The following REPS2 variants were observed in gnomAD, a reference collection of about 807,000 sequenced individuals.
REPS2 encodes the protein RALBP1 associated Eps domain containing 2, also known as ralBP1-associated Eps domain-containing protein 2.
A neutral mutation model predicts 53.6 loss-of-function variants in REPS2; 23 were observed. The observed-to-expected ratio is 0.43, with a 90% CI of 0.31 to 0.61. The LOEUF is 0.61. Ranked by LOEUF, REPS2 falls within the 20% of genes least tolerant of loss-of-function variation. The pLI, the probability that REPS2 is intolerant of heterozygous loss-of-function variation, is 0.11. For synonymous variants in REPS2, 238 were observed against 218.6 expected (o/e 1.09, Z -0.78); for missense variants, 446 against 534.9 (o/e 0.83, Z 1.64).
chrX:17,074,149 C>T lies in REPS2; in HGVS notation c.1369C>T (p.Pro457Ser), dbSNP rs1444157231. 3.3e-6 allele frequency: 4 copies of T among 1,207,354 alleles called. No homozygotes were observed. The African/African-American group carries it at 5.3e-5, about 16-fold the overall frequency. ...GGATTCCAACAGTCTCAAAGCAAGA[C>T]CAAGATCCAGGTAGTGTTCGTTTAA... ...PKDSNSLKAR[P>S]RSRSYSSTSI... is the part of the protein sequence containing the mutation. The change falls in exon 12 of 18, where the codon CCA becomes TCA. Residue 457 changes from proline (P) to serine (S), a missense_variant. Transcript: ENST00000357277.
intron 14 of REPS2, among the ~76,000 whole-genome samples, chrX:17,121,136 T>C (rs751305297): frequency 2.0e-4 from 22 of 111,812 alleles, no homozygotes; most frequent in African/African-American, 7.1e-4. Flanking sequence ...CCTCCCCAAC[T>C]CTGTTTCGCA....
chrX:17,159,345 T>C, the REPS2 span, among the ~76,000 whole-genome samples: 146 of 111,923 alleles, frequency 1.3e-3, no homozygotes, highest in Middle Eastern at 4.6e-3. Flanking sequence ...ACTCTGGTTC[T>C]AGTCTCTTTC....
intron 10 of REPS2, among the ~76,000 whole-genome samples, chrX:17,068,911 T>G (rs956428446): frequency 2.9e-4 from 33 of 112,320 alleles, no homozygotes; most frequent in African/African-American, 1.0e-3. Context: ...CTTGGCTTTG[T>G]GAGTGTGGGA....
chrX:17,139,538 G>A (rs1295103789), intron 17 of REPS2, among the ~76,000 whole-genome samples: 3 of 110,810 alleles, frequency 2.7e-5, no homozygotes, highest in Non-Finnish European at 5.7e-5. Context: ...TTAGTTTCTC[G>A]GGGCTGCTAT....
the REPS2 span, among the ~76,000 whole-genome samples, chrX:17,176,533 TTC>T: frequency 9.0e-6 from 1 of 111,602 alleles, no homozygotes; most frequent in Non-Finnish European, 1.9e-5. Context: ...CGTAGAGTAG[TTC>T]TGTTTACAAC....
chrX:17,078,862 T>C (rs1602947103), intron 13 of REPS2, among the ~76,000 whole-genome samples: 1 of 112,249 alleles, frequency 8.9e-6, no homozygotes, highest in East Asian at 2.8e-4. Flanking sequence ...ATTCACTGTT[T>C]GATTTTCAGC....
intron 14 of REPS2, among the ~76,000 whole-genome samples, chrX:17,105,965 G>T (rs981289293): frequency 2.7e-5 from 3 of 111,891 alleles, no homozygotes; most frequent in Non-Finnish European, 5.6e-5. Context: ...ATAGGGCTCT[G>T]TGGTACAGAT....
intron 11 of REPS2, among the ~76,000 whole-genome samples, chrX:17,071,866 A>G (rs1424007285): frequency 8.9e-6 from 1 of 112,260 alleles, no homozygotes; most frequent in Non-Finnish European, 1.9e-5. Flanking sequence ...ACGAGAAGCT[A>G]TGATCCACTT....
At chrX:17,021,645 T>A (rs1818642916) in intron 2 of REPS2, among the ~76,000 whole-genome samples, 2 of 112,595 alleles carry the variant, frequency 1.8e-5, no homozygotes, top group African/African-American at 3.2e-5. Flanking sequence ...ATTACTTAGC[T>A]CCTTTATGAC....
At chrX:17,124,985 T>G (rs1418241578) in intron 14 of REPS2, among the ~76,000 whole-genome samples, 1 of 107,570 alleles carries the variant, frequency 9.3e-6, no homozygotes, top group African/African-American at 3.4e-5. Context: ...TGCCTCAGCC[T>G]CCTGAATAGC....
chrX:17,171,843 T>C, the REPS2 span, among the ~76,000 whole-genome samples: 4 of 111,597 alleles, frequency 3.6e-5, no homozygotes, highest in Non-Finnish European at 1.9e-5. Context: ...ATAATTCTTA[T>C]GTTTTTCTTC....
At position 17,011,553 on chromosome X, in the gene REPS2, A is replaced by G. The variant is rs1374569711; in HGVS notation, c.397+5209A>G. ...ATTATGTTTTAAATGCAACAAAGAC[A>G]TAAGATTATAATGGAAACCAATTAT... On this transcript the variant is annotated intron_variant, in intron 2 of 17. Transcript: ENST00000357277. Among the ~76,000 whole-genome samples, 5 of 112,125 alleles carry G rather than the reference A, an allele frequency of 4.5e-5. No individual in the cohort carries two copies. In the East Asian group the frequency reaches 1.4e-3, roughly 31 times the overall value.
chrX:17,102,703 T>G (rs750961775), intron 13 of REPS2, among the ~76,000 whole-genome samples: 1 of 112,878 alleles, frequency 8.9e-6, no homozygotes, highest in Admixed American at 9.4e-5. Flanking sequence ...AAACTCCGTC[T>G]TCTAGCTTGT....
intron 14 of REPS2, among the ~76,000 whole-genome samples, chrX:17,114,316 C>G (rs763469482): frequency 2.7e-5 from 3 of 111,976 alleles, no homozygotes; most frequent in Non-Finnish European, 5.6e-5. Flanking sequence ...TATAATTTAC[C>G]TATCTTGTCT....
intron 17 of REPS2, among the ~76,000 whole-genome samples, chrX:17,142,991 T>G (rs2063466568): frequency 8.9e-6 from 1 of 112,568 alleles, no homozygotes; most frequent in African/African-American, 3.2e-5. Context: ...GGAATAGTAC[T>G]CAACAGAGAA....
At chrX:17,031,973 AG>A (rs1291240308) in intron 5 of REPS2, among the ~76,000 whole-genome samples, 2 of 112,104 alleles carry the variant, frequency 1.8e-5, no homozygotes, top group Admixed American at 9.5e-5. Context: ...AGGAAGTGGC[AG>A]GGCTGGAGTT....
intron 1 of REPS2, among the ~76,000 whole-genome samples, chrX:16,956,212 T>A (rs1473339037): frequency 2.9e-5 from 3 of 103,584 alleles, no homozygotes; most frequent in Non-Finnish European, 6.0e-5. Context: ...TTTTTTTTTT[T>A]ACTAACTGCC....
the REPS2 span, among the ~76,000 whole-genome samples, chrX:17,175,227 G>C: frequency 8.9e-6 from 1 of 112,134 alleles, no homozygotes; most frequent in Admixed American, 9.4e-5. Context: ...TGTAGAGAAA[G>C]ACAAGGAAGA....
At chrX:17,121,898 G>A (rs1286462454) in intron 14 of REPS2, among the ~76,000 whole-genome samples, 1 of 110,706 alleles carries the variant, frequency 9.0e-6, no homozygotes, top group Non-Finnish European at 1.9e-5. Context: ...CTACAGGCAT[G>A]TGCCACCACA....
Sources: gnomAD v4.1 joint callset for allele counts (sites outside exome capture counted in the v4.1 genomes callset) on GRCh38, gnomAD v4.1.1 for gene constraint, MANE v1.5 for transcripts, NCBI Gene and HGNC (gene_info 2026-07-23, HGNC 2026-07-21) for gene names.